The following FBXL18 variants were observed in gnomAD, a reference collection of about 807,000 sequenced individuals.
FBXL18 encodes F-box and leucine rich repeat protein 18.
FBXL18 carries 36 observed loss-of-function variants against 46.0 expected under a neutral mutation model. That is an observed-to-expected ratio of 0.78 (90% CI 0.60 to 1.03). The LOEUF (loss-of-function observed/expected upper bound fraction) is 1.03, where lower values mean the gene tolerates loss of function less well. FBXL18 is among the 50% of genes least tolerant of loss of function. The probability of loss-of-function intolerance (pLI) is 0.00; values close to 1 mark genes in which losing one functional copy is unlikely to be tolerated. For missense variants in FBXL18, 977 were observed against 1,004.1 expected (o/e 0.97, Z 0.36); for synonymous variants, 557 against 465.3 (o/e 1.20, Z -2.54).
chr7:5,492,103 G>C (rs114625258), intron 3 of FBXL18, among the ~76,000 whole-genome samples: 1 of 151,050 alleles, frequency 6.6e-6, no homozygotes, highest in South Asian at 2.1e-4. Context: ...GCCAGGGCAG[G>C]GGGGAGGCCC....
chr7:5,470,699 CGGGGGGG>C (rs1783413822), intron 4 of FBXL18, among the ~76,000 whole-genome samples: 3 of 7,944 alleles, frequency 3.8e-4, no homozygotes, highest in South Asian at 4.8e-3. Flanking sequence ...CTCCCCTTCC[CGGGGGGG>C]AGATGTCCCC....
chr7:5,494,123 T>C (rs1784009207), intron 3 of FBXL18, among the ~76,000 whole-genome samples: 1 of 151,914 alleles, frequency 6.6e-6, no homozygotes, highest in African/African-American at 2.4e-5. Flanking sequence ...AAATACAAAA[T>C]TAGCTGGTCG....
At chr7:5,481,964 T>G (rs755590283) in intron 4 of FBXL18, 33 bp from the exon 5 acceptor site, 1 of 1,572,694 alleles carries the variant, frequency 6.4e-7, no homozygotes, top group Non-Finnish European at 8.6e-7. Context: ...GCGGATTACA[T>G]GGGTGGCCAC....
chr7:5,489,249 T>C, intron 4 of FBXL18: 1 of 518,880 alleles, frequency 1.9e-6, no homozygotes, highest in South Asian at 1.4e-5. Context: ...TTTTTAAAAA[T>C]CAGATTACAA....
In FBXL18 at chr7:5,508,330, C is replaced by T. The variant is rs1257537983; in HGVS notation, c.19-2700G>A. Among the ~76,000 whole-genome samples the T allele has an allele frequency of 2.0e-5, 3 of 151,270 alleles. No homozygotes were observed. The East Asian group carries it at 5.8e-4, about 29-fold the overall frequency. ...GGCCTGGTGGCGGGCACCTGTAATC[C>T]CAGCTACTCAGGAGGCTGAGCAGAA... On this transcript the variant is annotated intron_variant, in intron 1 of 4. Transcript: ENST00000382368.
intron 1 of FBXL18, among the ~76,000 whole-genome samples, chr7:5,506,720 C>T (rs1784404726): frequency 3.3e-5 from 5 of 152,220 alleles, no homozygotes; most frequent in Admixed American, 3.3e-4. Flanking sequence ...CCGTGCCCAG[C>T]TAATTTTTGT....
intron 4 of FBXL18, among the ~76,000 whole-genome samples, chr7:5,465,338 C>T (rs565962936): frequency 6.6e-6 from 1 of 151,868 alleles, no homozygotes; most frequent in South Asian, 2.1e-4. Context: ...GTAACTGGGA[C>T]TACAGGCGCA....
downstream of FBXL18, among the ~76,000 whole-genome samples, chr7:5,473,559 C>T (rs529463699): frequency 1.7e-3 from 265 of 152,130 alleles, 1 homozygote; most frequent in African/African-American, 6.1e-3. Context: ...GTCAGGAGTT[C>T]GAGACCAGCC....
rs573144986 is a variant in FBXL18 at position 5,491,749 on chromosome 7, C to G, written c.1782-300G>C. On this transcript the variant is annotated intron_variant, in intron 3 of 4. Coordinates refer to ENST00000382368, the MANE Select transcript of FBXL18 (RefSeq NM_024963.6). ...AGGCCATCAGCATCTGTGTCCGCAG[C>G]CTGCCTGGTGCACCCCAATGACCCC... 3.5e-3 allele frequency among the ~76,000 whole-genome samples: 534 copies of G among 152,310 alleles called. 2 individuals carry two copies. The highest frequency in any genetic ancestry group is 0.013 in the African/African-American group (523 of 41,566).
chr7:5,513,320 G>A (rs1784588885), intron 1 of FBXL18, among the ~76,000 whole-genome samples: 2 of 152,082 alleles, frequency 1.3e-5, no homozygotes, highest in South Asian at 4.1e-4. Flanking sequence ...AATGTCCCAG[G>A]GCTGCAGGGG....
At position 5,484,210 on chromosome 7, in the gene FBXL18, G is replaced by C. The variant is rs1427337976; in HGVS notation, c.2001-2279C>G. The stretch of plus-strand genomic sequence containing the variant: ...CGGCTGGCCGTGGTGGCTCACGCCT[G>C]TAATCCCAGCACTTTGGGAGGCCAA... On this transcript the variant is annotated intron_variant, in intron 4 of 4. Transcript: ENST00000382368. Among the ~76,000 whole-genome samples the C allele has an allele frequency of 2.0e-5, 3 of 152,112 alleles. No individual in the cohort carries two copies. The East Asian group carries it at 5.8e-4, about 29-fold the overall frequency.
intron 4 of FBXL18, among the ~76,000 whole-genome samples, chr7:5,457,066 G>T (rs947142959): frequency 1.7e-4 from 26 of 152,204 alleles, no homozygotes; most frequent in Non-Finnish European, 2.9e-5. Context: ...ACCTGGCCTA[G>T]GGCTGTCCCC....
chr7:5,471,137 G>C (rs138463754), downstream of FBXL18, among the ~76,000 whole-genome samples: 2 of 152,278 alleles, frequency 1.3e-5, no homozygotes, highest in Non-Finnish European at 2.9e-5. Flanking sequence ...CTAGGATTCC[G>C]TCACGCCATC....
At chr7:5,486,578 G>A (rs1444466672) in intron 4 of FBXL18, among the ~76,000 whole-genome samples, 1 of 151,984 alleles carries the variant, frequency 6.6e-6, no homozygotes, top group Non-Finnish European at 1.5e-5. Flanking sequence ...ACTTGAGTCT[G>A]GGAGGTCAAG....
chr7:5,458,707 A>T (rs1423543494), intron 4 of FBXL18, among the ~76,000 whole-genome samples: 1 of 151,964 alleles, frequency 6.6e-6, no homozygotes, highest in Non-Finnish European at 1.5e-5. Flanking sequence ...CCAAAAAAAA[A>T]AAAATTAGCT....
intron 3 of FBXL18, among the ~76,000 whole-genome samples, chr7:5,498,247 C>G (rs1202641488): frequency 2.0e-5 from 3 of 152,026 alleles, no homozygotes; most frequent in Non-Finnish European, 4.4e-5. Flanking sequence ...ACCACCACGC[C>G]CAGCTAATTT....
At chr7:5,464,407 G>C (rs1301263534) in intron 4 of FBXL18, among the ~76,000 whole-genome samples, 4 of 151,918 alleles carry the variant, frequency 2.6e-5, no homozygotes, top group Non-Finnish European at 5.9e-5. Context: ...TTGAACCCAG[G>C]AGGCAGAGGT....
intron 1 of FBXL18, among the ~76,000 whole-genome samples, chr7:5,511,554 C>T (rs1174054305): frequency 1.4e-5 from 2 of 147,040 alleles, no homozygotes; most frequent in Non-Finnish European, 3.0e-5. Flanking sequence ...TGCAGTGAGC[C>T]GAGATCGTGC....
rs772440774 is a variant in FBXL18 at position 5,501,186 on chromosome 7, C to T, written c.1083G>A (p.Ser361=). ...TGTCGTCCTCCGCCTTGCGGAGCAG[C>T]GAGTCTGGGGACAGGCAGTGGACGC... ...SGCVHCLSPD[S]LLRKAEDDID... The change falls in exon 3 of 5, where the codon TCG becomes TCA. Residue 361 remains serine, a synonymous_variant. Coordinates refer to ENST00000382368, the MANE Select transcript of FBXL18 (RefSeq NM_024963.6). 1.9e-6 allele frequency: 3 copies of T among 1,613,220 alleles called. No homozygotes were observed. Among genetic ancestry groups the T allele is most frequent in the Non-Finnish European group, 1.7e-6 (2 of 1,179,642 alleles).
Sources: gnomAD v4.1 joint callset for allele counts (sites outside exome capture counted in the v4.1 genomes callset) on GRCh38, gnomAD v4.1.1 for gene constraint, MANE v1.5 for transcripts, NCBI Gene and HGNC (gene_info 2026-07-23, HGNC 2026-07-21) for gene names.